Variants in DLG1 observed in about 807,000 individuals in gnomAD.
DLG1 encodes discs large MAGUK scaffold protein 1, also known as disks large homolog 1.
A neutral mutation model predicts 123.4 loss-of-function variants in DLG1; 42 were observed. That is an observed-to-expected ratio of 0.34 (90% CI 0.27 to 0.44). The LOEUF (loss-of-function observed/expected upper bound fraction) is 0.44, where lower values mean the gene tolerates loss of function less well. DLG1 is among the 20% of genes least tolerant of loss of function. The pLI, the probability that DLG1 is intolerant of heterozygous loss-of-function variation, is 1.00. For missense variants in DLG1, 942 were observed against 1,082.6 expected, an observed-to-expected ratio of 0.87 and a Z score of 1.82; for synonymous variants, 317 against 356.2, an observed-to-expected ratio of 0.89 and a Z score of 1.24.
intron 23 of DLG1, among the ~76,000 whole-genome samples, chr3:197,052,435 A>G (rs1728528171): frequency 6.6e-6 from 1 of 152,188 alleles, no homozygotes; most frequent in Non-Finnish European, 1.5e-5. Flanking sequence ...AGTCTGGGTG[A>G]CAGAGCGAGA....
At chr3:197,257,882 A>G (rs184435875) in intron 4 of DLG1, among the ~76,000 whole-genome samples, 2 of 152,324 alleles carry the variant, frequency 1.3e-5, no homozygotes, top group African/African-American at 4.8e-5. Context: ...AGCCTGACAA[A>G]AATGACACTT....
chr3:197,140,500 T>C (rs1318203828), intron 7 of DLG1, among the ~76,000 whole-genome samples: 1 of 152,244 alleles, frequency 6.6e-6, no homozygotes, highest in Non-Finnish European at 1.5e-5. Context: ...TTTTGAAGTA[T>C]ACTCCACAGT....
chr3:197,252,046 T>C (rs549818631), intron 4 of DLG1, among the ~76,000 whole-genome samples: 2 of 152,318 alleles, frequency 1.3e-5, no homozygotes, highest in Admixed American at 1.3e-4. Flanking sequence ...CTCTTTTCCC[T>C]CTTTTATAGT....
intron 18 of DLG1, chr3:197,070,230 T>TA (rs1465450511): frequency 6.7e-6 from 1 of 149,064 alleles, no homozygotes; most frequent in East Asian, 1.9e-4. Flanking sequence ...TCTGAATTTT[T>TA]ATTTTAACTT....
chr3:197,130,512 T>C lies in DLG1; in HGVS notation c.1165+15A>G, dbSNP rs765624525. 5 of 1,572,148 alleles carry C rather than the reference T, an allele frequency of 3.2e-6. No individual in the cohort carries two copies. In the South Asian group the frequency reaches 3.6e-5, roughly 11 times the overall value. The stretch of plus-strand genomic sequence containing the variant: ...AGTAAGATAAATTTAAGCAAACGTA[T>C]GCTAACAGACTTACAGTTGGTGATA... On this transcript the variant is annotated intron_variant, in intron 11 of 24. Transcript: ENST00000667157.
intron 17 of DLG1, among the ~76,000 whole-genome samples, chr3:197,077,063 C>G (rs940275375): frequency 9.2e-5 from 14 of 152,206 alleles, no homozygotes; most frequent in South Asian, 2.1e-4. Flanking sequence ...TGTTACTTTG[C>G]TGCTCAATTA....
chr3:197,214,951 C>T (rs990195594), intron 4 of DLG1, among the ~76,000 whole-genome samples: 3 of 152,106 alleles, frequency 2.0e-5, no homozygotes, highest in Non-Finnish European at 4.4e-5. Flanking sequence ...CCCAATAATA[C>T]CTAGTTTTGA....
intron 4 of DLG1, among the ~76,000 whole-genome samples, chr3:197,271,666 G>A (rs12634133): frequency 0.24 from 36,786 of 151,844 alleles, 5,687 homozygotes; most frequent in East Asian, 0.71. Context: ...AATAGACTGG[G>A]GACAATTTTG....
intron 4 of DLG1, among the ~76,000 whole-genome samples, chr3:197,214,898 G>A (rs942068122): frequency 1.3e-5 from 2 of 152,082 alleles, no homozygotes; most frequent in Admixed American, 1.3e-4. Flanking sequence ...TTAAAACAAT[G>A]ATCTATCACT....
At chr3:197,050,660 C>T (rs1273255105) in intron 24 of DLG1, among the ~76,000 whole-genome samples, 1 of 152,140 alleles carries the variant, frequency 6.6e-6, no homozygotes, top group Non-Finnish European at 1.5e-5. Context: ...TTTCCAGGGA[C>T]TGCAGAGTAG....
At chr3:197,206,105 G>A (rs1339216724) in intron 4 of DLG1, among the ~76,000 whole-genome samples, 1 of 152,084 alleles carries the variant, frequency 6.6e-6, no homozygotes, top group Non-Finnish European at 1.5e-5. Context: ...TATCTATAGG[G>A]CACAGACATC....
intron 4 of DLG1, among the ~76,000 whole-genome samples, chr3:197,254,406 A>T (rs1755885827): frequency 6.6e-6 from 1 of 152,204 alleles, no homozygotes; most frequent in Non-Finnish European, 1.5e-5. Flanking sequence ...AACCCTAAAC[A>T]AATTCAACTC....
At chr3:197,103,697 A>G (rs540597516) in intron 14 of DLG1, among the ~76,000 whole-genome samples, 8 of 150,658 alleles carry the variant, frequency 5.3e-5, no homozygotes, top group African/African-American at 1.7e-4. Flanking sequence ...AGAAAGACCA[A>G]GCAATGCTCA....
At chr3:197,075,516 G>A (rs1389283450) in intron 18 of DLG1, among the ~76,000 whole-genome samples, 1 of 151,754 alleles carries the variant, frequency 6.6e-6, no homozygotes, top group East Asian at 1.9e-4. Context: ...CTAATAATGA[G>A]GGTACATTTA....
intron 4 of DLG1, among the ~76,000 whole-genome samples, chr3:197,269,937 T>C (rs1763229629): frequency 6.6e-6 from 1 of 152,202 alleles, no homozygotes; most frequent in Admixed American, 6.5e-5. Flanking sequence ...TACAATATTT[T>C]GCATTAATAT....
At chr3:197,127,338 G>A (rs1478546443) in intron 11 of DLG1, among the ~76,000 whole-genome samples, 3 of 145,066 alleles carry the variant, frequency 2.1e-5, no homozygotes, top group Non-Finnish European at 3.0e-5. Context: ...CAGGAGGATC[G>A]CTTGAACCTG....
At chr3:197,136,298 T>G in intron 10 of DLG1, 1 of 418,400 alleles carries the variant, frequency 2.4e-6, no homozygotes, top group Non-Finnish European at 4.3e-6. Context: ...AAACACTCTG[T>G]GCATACAAGC....
At position 197,068,599 on chromosome 3, in the gene DLG1, C is replaced by T; in HGVS notation, c.2047+620G>A. The stretch of plus-strand genomic sequence containing the variant: ...AAAAGTAATTTTAATTTTTAAGGTG[C>T]TACAACTGATATTATGTACCCTCCC... On this transcript the variant is annotated intron_variant, in intron 19 of 24. Transcript: ENST00000667157. The T allele has an allele frequency of 1.1e-5, 12 of 1,086,710 alleles. No homozygotes were observed. In the South Asian group the frequency reaches 1.5e-4, roughly 13 times the overall value. The allele number at this position is 1,086,710 out of a possible 1,614,324, so 67.3% of individuals were successfully genotyped here. A position where few individuals can be genotyped will look rare whatever the true frequency, so the allele number is the denominator to read the frequency against.
intron 4 of DLG1, among the ~76,000 whole-genome samples, chr3:197,237,248 TG>T (rs1386254630): frequency 6.6e-6 from 1 of 152,048 alleles, no homozygotes; most frequent in Non-Finnish European, 1.5e-5. Context: ...GAAAAGAGGG[TG>T]GCAGACTAGC....
Sources: allele counts gnomAD v4.1 joint callset (sites outside exome capture counted in the v4.1 genomes callset), GRCh38; gene constraint gnomAD v4.1.1; transcripts MANE v1.5; gene names NCBI Gene and HGNC (gene_info 2026-07-23, HGNC 2026-07-21).